Variants in ESYT3 observed in about 807,000 individuals in gnomAD.
ESYT3 encodes extended synaptotagmin-3.
Under a neutral mutation model 111.5 loss-of-function variants are expected in ESYT3, and 101 were observed. The observed-to-expected ratio is 0.91, with a 90% CI of 0.77 to 1.07. ESYT3 has a LOEUF of 1.07. Among genes scored for constraint, ESYT3 ranks in the 50% least tolerant of loss-of-function variants. The pLI, the probability that ESYT3 is intolerant of heterozygous loss-of-function variation, is 0.00. For synonymous variants in ESYT3, 416 were observed against 446.8 expected, an observed-to-expected ratio of 0.93 and a Z score of 0.87; for missense variants, 1,097 against 1,109.4, an observed-to-expected ratio of 0.99 and a Z score of 0.16.
At chr3:138,462,268 C>T (rs769145835) in intron 8 of ESYT3, 62 bp downstream of exon 8, 1 of 1,608,782 alleles carries the variant, frequency 6.2e-7, no homozygotes, top group South Asian at 1.1e-5. Context: ...ATCCTCTCAG[C>T]CTTCACATGT....
intron 10 of ESYT3, among the ~76,000 whole-genome samples, chr3:138,466,803 A>G (rs2032951059): frequency 6.6e-6 from 1 of 152,202 alleles, no homozygotes; most frequent in Non-Finnish European, 1.5e-5. Context: ...TACATGAAGC[A>G]TAGTGCCAGC....
chr3:138,452,035 G>A lies in ESYT3; in HGVS notation c.328-13G>A. 6.2e-7 allele frequency: 1 copy of A among 1,613,598 alleles called. No individual in the cohort carries two copies. The highest frequency in any genetic ancestry group is 8.5e-7 in the Non-Finnish European group (1 of 1,179,894). On this transcript the variant is annotated splice_polypyrimidine_tract_variant and intron_variant, in intron 1 of 22. Transcript: ENST00000389567. ...GCTTCTAGTCTAACTTCCCCTCGGG[G>A]CTTCTTTCCTAGATCCACTTCCCGG... is the stretch of plus-strand genomic sequence containing the variant.
intron 1 of ESYT3, among the ~76,000 whole-genome samples, chr3:138,439,670 A>T (rs2030994646): frequency 6.6e-6 from 1 of 152,174 alleles, no homozygotes; most frequent in East Asian, 1.9e-4. Context: ...GTTGCTTATC[A>T]GATATTGATT....
chr3:138,467,604 G>A lies in ESYT3; in HGVS notation c.1213G>A (p.Asp405Asn). 6.2e-7 allele frequency: 1 copy of A among 1,614,106 alleles called. No individual in the cohort carries two copies. Among genetic ancestry groups the A allele is most frequent in the Non-Finnish European group, 8.5e-7 (1 of 1,180,002 alleles). Residue 405 changes from aspartate to asparagine, a missense_variant, in exon 11 of 23, where the codon GAT (aspartate) becomes AAT (asparagine). By Grantham distance (23) the Asp-to-Asn change is conservative. Transcript: ENST00000389567. ...AGATGTCATGACCAACAGAGTGGTGGATGAGGTACAGTTGGTGCTTGCAAC... is the reference window on the plus strand; with the variant it reads ...AGATGTCATGACCAACAGAGTGGTGAATGAGGTACAGTTGGTGCTTGCAAC... Reference protein sequence around the residue: ...LGDVMTNRVVDEWFVLNDTTS... With the variant: ...LGDVMTNRVVNEWFVLNDTTS...
chr3:138,463,078 C>CT (rs1359987468), intron 8 of ESYT3, among the ~76,000 whole-genome samples: 10 of 151,890 alleles, frequency 6.6e-5, no homozygotes, highest in African/African-American at 1.7e-4. Context: ...CCCCAGCATG[C>CT]TTTTTTTTGG....
At chr3:138,464,189 C>T (rs1223297669) in intron 8 of ESYT3, among the ~76,000 whole-genome samples, 156 bp from the exon 9 acceptor site, 1 of 152,160 alleles carries the variant, frequency 6.6e-6, no homozygotes, top group African/African-American at 2.4e-5. Flanking sequence ...GTGGCCTTGG[C>T]CAGGTCACTG....
At chr3:138,465,286 A>G (rs1290736130) in intron 9 of ESYT3, 53 bp from the exon 10 acceptor site, 1 of 1,393,184 alleles carries the variant, frequency 7.2e-7, no homozygotes, top group Non-Finnish European at 9.9e-7. Flanking sequence ...CCTTTGGGTC[A>G]TATGTCAGGT....
At chr3:138,444,420 TATAATACATCAGTGAGG>T (rs1392236860) in intron 1 of ESYT3, among the ~76,000 whole-genome samples, 2 of 152,240 alleles carry the variant, frequency 1.3e-5, no homozygotes, top group Non-Finnish European at 2.9e-5. Flanking sequence ...TGTTCTCACC[TATAATACATCAGTGAGG>T]ATAGTGTACA....
In ESYT3 at chr3:138,476,908, A is replaced by T. The variant is rs1421388815; in HGVS notation, c.*54A>T. On this transcript the variant is annotated 3_prime_UTR_variant, in exon 23 of 23. Coordinates refer to ENST00000389567, the MANE Select transcript of ESYT3 (RefSeq NM_031913.5). ...TATTAAAATGTATATATATGTATATATTTTTTCCTTTGGATCACTTACATC... is the reference window on the plus strand; with the variant it reads ...TATTAAAATGTATATATATGTATATTTTTTTTCCTTTGGATCACTTACATC... The T allele has an allele frequency of 6.8e-7, 1 of 1,469,216 alleles. No individual in the cohort carries two copies. The highest frequency in any genetic ancestry group is 9.3e-7 in the Non-Finnish European group (1 of 1,080,596). The allele number at this position is 1,469,216 out of a possible 1,614,324, so 91.0% of individuals were successfully genotyped here. A position where few individuals can be genotyped will look rare whatever the true frequency, so the allele number is the denominator to read the frequency against.
intron 2 of ESYT3, among the ~76,000 whole-genome samples, chr3:138,454,740 C>A (rs1195116471): frequency 6.6e-6 from 1 of 152,202 alleles, no homozygotes; most frequent in Non-Finnish European, 1.5e-5. Flanking sequence ...AGAAATCGGG[C>A]AAAGGCTGCC....
chr3:138,464,232 G>T, intron 8 of ESYT3, 113 bp from the exon 9 acceptor site: 1 of 1,241,778 alleles, frequency 8.1e-7, no homozygotes, highest in East Asian at 2.4e-5. Context: ...GGTCCAGACC[G>T]TGGAGGGGGC....
At chr3:138,456,546 C>A (rs569003454) in intron 3 of ESYT3, among the ~76,000 whole-genome samples, 3 of 152,318 alleles carry the variant, frequency 2.0e-5, no homozygotes, top group East Asian at 1.9e-4. Context: ...CCCCAACTCT[C>A]GGTACCAGGC....
intron 18 of ESYT3, 124 bp from the exon 19 acceptor site, chr3:138,473,412 C>A: frequency 1.2e-6 from 1 of 812,144 alleles, no homozygotes; most frequent in Non-Finnish European, 1.9e-6. Flanking sequence ...AGTAAACTCA[C>A]TGTGAATTAT....
At position 138,479,826 on chromosome 3, in the gene ESYT3, T is replaced by A. The variant is rs927499826; in HGVS notation, c.*2972T>A. 1 of 152,172 alleles carries A rather than the reference T, an allele frequency of 6.6e-6. No homozygotes were observed. The highest frequency in any genetic ancestry group is 1.5e-5 in the Non-Finnish European group (1 of 68,016). 9.4% of individuals were successfully genotyped at this position (152,172 alleles called of 1,614,324 possible). On this transcript the variant is annotated 3_prime_UTR_variant, in exon 23 of 23. Coordinates refer to ENST00000389567, the MANE Select transcript of ESYT3 (RefSeq NM_031913.5). ...TTTCTTGTTCACTCTCCCTTACCCC[T>A]GGGGGTAAGGATCTGCATCCTGAAG...
chr3:138,472,910 C>A, intron 18 of ESYT3, 51 bp downstream of exon 18: 1 of 1,559,358 alleles, frequency 6.4e-7, no homozygotes, highest in Non-Finnish European at 8.6e-7. Flanking sequence ...ATGAAAAATA[C>A]CTCGCTGGAT....
intron 1 of ESYT3, among the ~76,000 whole-genome samples, chr3:138,447,797 T>C (rs1205354532): frequency 1.6e-4 from 25 of 152,104 alleles, no homozygotes; most frequent in Non-Finnish European, 3.4e-4. Flanking sequence ...ATAAAGGGTG[T>C]CAATGATGTA....
Position 138,468,147 on chromosome 3 carries a change from C to A in ESYT3, c.1261C>A (p.Arg421=), listed in dbSNP as rs765784956. 1.9e-6 allele frequency: 3 copies of A among 1,614,150 alleles called. No individual in the cohort carries two copies. The highest frequency in any genetic ancestry group is 2.5e-6 in the Non-Finnish European group (3 of 1,180,028). ...NDTTSGRLHL[R]LEWLSLLTDQ... The stretch of plus-strand genomic sequence containing the variant: ...CACAACCAGCGGGCGGCTGCACCTG[C>A]GGCTGGAGTGGCTTTCATTGCTTAC... Residue 421 remains arginine, a synonymous_variant, in exon 12 of 23, where the codon CGG becomes AGG. Coordinates refer to ENST00000389567, the MANE Select transcript of ESYT3 (RefSeq NM_031913.5).
At chr3:138,437,449 G>A (rs2030798119) in intron 1 of ESYT3, among the ~76,000 whole-genome samples, 1 of 152,226 alleles carries the variant, frequency 6.6e-6, no homozygotes, top group Non-Finnish European at 1.5e-5. Flanking sequence ...CCACTGGTGC[G>A]GCACAGGGCA....
intron 1 of ESYT3, among the ~76,000 whole-genome samples, chr3:138,441,154 G>A (rs758933618): frequency 6.6e-6 from 1 of 152,230 alleles, no homozygotes; most frequent in Non-Finnish European, 1.5e-5. Flanking sequence ...TCTTTCACAG[G>A]TTAGGTCAGT....
Sources: allele counts gnomAD v4.1 joint callset (sites outside exome capture counted in the v4.1 genomes callset), GRCh38; gene constraint gnomAD v4.1.1; transcripts MANE v1.5; gene names NCBI Gene and HGNC (gene_info 2026-07-23, HGNC 2026-07-21).